The following HDAC9 variants were observed in gnomAD, a reference collection of about 807,000 sequenced individuals.
HDAC9 encodes the protein histone deacetylase 9, also known as MEF-2 interacting transcription repressor (MITR) protein.
A neutral mutation model predicts 139.4 loss-of-function variants in HDAC9; 41 were observed. The observed-to-expected ratio is 0.29, with a 90% CI of 0.23 to 0.38. The LOEUF (loss-of-function observed/expected upper bound fraction) is 0.38. HDAC9 is among the 10% of genes least tolerant of loss of function. The probability of loss-of-function intolerance (pLI) is 1.00; values close to 1 mark genes in which losing one functional copy is unlikely to be tolerated. For missense variants in HDAC9, 1,147 were observed against 1,297.0 expected (o/e 0.88, Z 1.78); for synonymous variants, 517 against 476.2 (o/e 1.09, Z -1.12).
At chr7:18,621,913 A>T (rs1840317804) in intron 6 of HDAC9, among the ~76,000 whole-genome samples, 2 of 152,204 alleles carry the variant, frequency 1.3e-5, no homozygotes, top group Admixed American at 6.5e-5. Context: ...TCATAACTGT[A>T]GTGATTACTG....
intron 1 of HDAC9, among the ~76,000 whole-genome samples, chr7:18,299,611 T>C (rs916606106): frequency 6.6e-6 from 1 of 152,206 alleles, no homozygotes; most frequent in African/African-American, 2.4e-5. Context: ...AAGGTTTAGT[T>C]CACCTTGAGA....
chr7:18,526,699 C>G (rs1807038507), intron 2 of HDAC9, among the ~76,000 whole-genome samples: 3 of 152,114 alleles, frequency 2.0e-5, no homozygotes, highest in Admixed American at 2.0e-4. Flanking sequence ...TGCACCAGTT[C>G]TATTTGTAGT....
intron 13 of HDAC9, among the ~76,000 whole-genome samples, chr7:18,739,746 C>G (rs994347158): frequency 2.0e-5 from 3 of 152,240 alleles, no homozygotes; most frequent in Non-Finnish European, 4.4e-5. Context: ...AGGAGGCAGT[C>G]TGTCCATTCT....
chr7:18,515,041 C>T (rs927180009), intron 2 of HDAC9, among the ~76,000 whole-genome samples: 1 of 152,070 alleles, frequency 6.6e-6, no homozygotes, highest in Non-Finnish European at 1.5e-5. Context: ...AATTTTTATT[C>T]ATAACTTTTT....
intron 1 of HDAC9, among the ~76,000 whole-genome samples, chr7:18,130,907 A>G (rs1784959705): frequency 6.6e-6 from 1 of 152,086 alleles, no homozygotes; most frequent in South Asian, 2.1e-4. Context: ...TCCCTACACC[A>G]TTAGCAATGT....
At chr7:18,254,288 A>T (rs905537906) in intron 2 of HDAC9, among the ~76,000 whole-genome samples, 2 of 152,232 alleles carry the variant, frequency 1.3e-5, no homozygotes, top group Non-Finnish European at 2.9e-5. Context: ...AGAGTTACCT[A>T]TCTAGGAATC....
chr7:18,560,104 T>A (rs998026040), intron 2 of HDAC9, among the ~76,000 whole-genome samples: 1 of 152,194 alleles, frequency 6.6e-6, no homozygotes, highest in African/African-American at 2.4e-5. Flanking sequence ...TTTTTAAGAT[T>A]CTTATTTCAA....
chr7:18,769,152 A>ATC (rs1209937150), intron 16 of HDAC9, among the ~76,000 whole-genome samples: 1 of 152,168 alleles, frequency 6.6e-6, no homozygotes, highest in Non-Finnish European at 1.5e-5. Context: ...AATTGAGGCC[A>ATC]TCTCCCTAGG....
chr7:18,392,919 CAAAAAAAA>C (rs773532939), intron 1 of HDAC9, among the ~76,000 whole-genome samples: 159 of 44,576 alleles, frequency 3.6e-3, no homozygotes, highest in African/African-American at 4.5e-3. Context: ...CCATGACTGG[CAAAAAAAA>C]AAAAAAAAAA....
At chr7:18,865,871 A>G (rs923595898) in intron 21 of HDAC9, among the ~76,000 whole-genome samples, 1 of 152,032 alleles carries the variant, frequency 6.6e-6, no homozygotes, top group South Asian at 2.1e-4. Context: ...TGATGCTTTC[A>G]TGCAATGACA....
At chr7:18,470,034 A>AT (rs751555549) in intron 1 of HDAC9, among the ~76,000 whole-genome samples, 24 of 152,104 alleles carry the variant, frequency 1.6e-4, no homozygotes, top group African/African-American at 5.8e-4. Flanking sequence ...AAGTATATAT[A>AT]TTTTTTTAAT....
At chr7:18,961,116 T>C (rs1783501175) in intron 24 of HDAC9, among the ~76,000 whole-genome samples, 1 of 152,184 alleles carries the variant, frequency 6.6e-6, no homozygotes, top group African/African-American at 2.4e-5. Context: ...TCTCTTCTCC[T>C]CTCTCTTCCA....
intron 2 of HDAC9, among the ~76,000 whole-genome samples, chr7:18,540,302 G>T (rs1812405426): frequency 6.6e-6 from 1 of 150,862 alleles, no homozygotes. Flanking sequence ...AAGGTTGGGT[G>T]GGAAAGTTTA....
intron 25 of HDAC9, 123 bp downstream of exon 25, chr7:18,976,076 C>T (rs746598306): frequency 7.5e-6 from 7 of 934,880 alleles, no homozygotes; most frequent in Non-Finnish European, 9.6e-6. Context: ...CTGTCCTCTC[C>T]AAAGCCACAG....
At chr7:18,092,746 T>C (rs1165144886) in intron 1 of HDAC9, among the ~76,000 whole-genome samples, 2 of 152,214 alleles carry the variant, frequency 1.3e-5, no homozygotes, top group African/African-American at 4.8e-5. Context: ...GGAAAGTGAC[T>C]GAAGTCATGA....
intron 1 of HDAC9, among the ~76,000 whole-genome samples, chr7:18,092,414 A>T (rs13311234): frequency 0.51 from 74,791 of 147,664 alleles, 19,099 homozygotes; most frequent in Admixed American, 0.62. Context: ...TTTTTTTTTA[A>T]AAAAAAGAAC....
chr7:18,172,005 T>C (rs1372953719), intron 2 of HDAC9, among the ~76,000 whole-genome samples: 1 of 152,192 alleles, frequency 6.6e-6, no homozygotes, highest in Non-Finnish European at 1.5e-5. Context: ...ATGGGAATAG[T>C]TTCAGAAGGA....
At chr7:18,955,906 A>G (rs112503040) in intron 24 of HDAC9, among the ~76,000 whole-genome samples, 13 of 152,246 alleles carry the variant, frequency 8.5e-5, no homozygotes, top group African/African-American at 2.9e-4. Flanking sequence ...GAAGGACTCT[A>G]TTTCCACATA....
At chr7:18,654,707 GCAAA>G (rs1389485546) in intron 11 of HDAC9, among the ~76,000 whole-genome samples, 3 of 151,758 alleles carry the variant, frequency 2.0e-5, no homozygotes, top group Admixed American at 6.6e-5. Context: ...TAAAAACAAG[GCAAA>G]CAAACATTAA....
Sources: allele counts gnomAD v4.1 joint callset (sites outside exome capture counted in the v4.1 genomes callset), GRCh38; gene constraint gnomAD v4.1.1; transcripts MANE v1.5; gene names NCBI Gene and HGNC (gene_info 2026-07-23, HGNC 2026-07-21).